The following MARCHF1 variants were observed in gnomAD, a reference collection of about 807,000 sequenced individuals.
MARCHF1 encodes the protein membrane associated ring-CH-type finger 1.
A neutral mutation model predicts 54.2 loss-of-function variants in MARCHF1; 40 were observed. The observed-to-expected ratio is 0.74, with a 90% CI of 0.57 to 0.96. The LOEUF is 0.96. Ranked by LOEUF, MARCHF1 falls within the 40% of genes least tolerant of loss-of-function variation. The probability of loss-of-function intolerance (pLI) is 0.00; values close to 1 mark genes in which losing one functional copy is unlikely to be tolerated. For missense variants in MARCHF1, 586 were observed against 656.5 expected (o/e 0.89, Z 1.17); for synonymous variants, 236 against 236.3 (o/e 1.00, Z 0.01).
Position 163,569,261 on chromosome 4 carries a change from T to C in MARCHF1, c.1191+16488A>G, listed in dbSNP as rs190624334. 4.5e-3 allele frequency among the ~76,000 whole-genome samples: 687 copies of C among 152,212 alleles called. 7 individuals are homozygous for C. Among genetic ancestry groups the C allele is most frequent in the African/African-American group, 0.016 (660 of 41,522 alleles). Reference sequence around the variant, plus strand: ...ATGAGATTGTTTGGGAATGCTACAGTTCAATCAGCTGGGTCACGATAGCCA... The same window carrying C: ...ATGAGATTGTTTGGGAATGCTACAGCTCAATCAGCTGGGTCACGATAGCCA... On this transcript the variant is annotated intron_variant, in intron 8 of 9. Transcript: ENST00000514618.
intron 1 of MARCHF1, among the ~76,000 whole-genome samples, chr4:164,241,820 A>G (rs11100540): frequency 0.28 from 42,386 of 152,150 alleles, 6,692 homozygotes; most frequent in Admixed American, 0.44. Flanking sequence ...CTTGGGAAGC[A>G]CAAGAGGTCA....
intron 1 of MARCHF1, among the ~76,000 whole-genome samples, chr4:164,316,200 C>T (rs1734991221): frequency 6.6e-6 from 1 of 152,152 alleles, no homozygotes; most frequent in Non-Finnish European, 1.5e-5. Context: ...AACTGGAAGT[C>T]AGGTTTACCC....
intron 4 of MARCHF1, among the ~76,000 whole-genome samples, chr4:163,733,209 A>ACATGTATATATATATATATACACATGTG: frequency 2.8e-5 from 1 of 35,712 alleles, no homozygotes; most frequent in Non-Finnish European, 6.9e-5. Flanking sequence ...ATATATATAT[A>ACATGTATATATATATATATACACATGTG]TATATATATA....
At chr4:163,788,202 C>A (rs1747674284) in intron 4 of MARCHF1, among the ~76,000 whole-genome samples, 1 of 151,724 alleles carries the variant, frequency 6.6e-6, no homozygotes. Flanking sequence ...GATTAGGAGA[C>A]AAATTTAATA....
At chr4:163,634,348 A>T (rs1179784502) in intron 5 of MARCHF1, among the ~76,000 whole-genome samples, 2 of 150,184 alleles carry the variant, frequency 1.3e-5, no homozygotes, top group Non-Finnish European at 3.0e-5. Context: ...TATTCAGGAA[A>T]CCCATCTCAT....
intron 5 of MARCHF1, among the ~76,000 whole-genome samples, chr4:163,676,485 G>A (rs1163865019): frequency 6.6e-6 from 1 of 152,148 alleles, no homozygotes; most frequent in Non-Finnish European, 1.5e-5. Context: ...AGTAGGTCAT[G>A]CATGTAATCC....
chr4:164,164,313 T>A (rs187815053), intron 1 of MARCHF1, among the ~76,000 whole-genome samples: 74 of 151,882 alleles, frequency 4.9e-4, no homozygotes, highest in African/African-American at 1.6e-3. Context: ...TTTGAAAATA[T>A]CAACAATATA....
chr4:164,329,622 T>C (rs1362119295), intron 1 of MARCHF1, among the ~76,000 whole-genome samples: 1 of 152,180 alleles, frequency 6.6e-6, no homozygotes, highest in Non-Finnish European at 1.5e-5. Flanking sequence ...TTACAAGCTA[T>C]ACAGGAAGCA....
At chr4:164,170,402 TA>T (rs1730490163) in intron 1 of MARCHF1, among the ~76,000 whole-genome samples, 1 of 152,064 alleles carries the variant, frequency 6.6e-6, no homozygotes, top group Admixed American at 6.6e-5. Context: ...CTCTCAGACT[TA>T]TAAGGGACAT....
intron 3 of MARCHF1, among the ~76,000 whole-genome samples, chr4:163,909,288 T>C (rs1037674074): frequency 1.1e-4 from 17 of 152,190 alleles, no homozygotes; most frequent in Non-Finnish European, 4.4e-5. Flanking sequence ...GATGATAATA[T>C]ACTCTTGTAG....
chr4:163,971,911 C>A (rs918501646), intron 3 of MARCHF1, among the ~76,000 whole-genome samples: 3 of 152,084 alleles, frequency 2.0e-5, no homozygotes, highest in Admixed American at 6.5e-5. Flanking sequence ...ATGTTTACTG[C>A]GGCACTATTC....
intron 5 of MARCHF1, among the ~76,000 whole-genome samples, chr4:163,652,882 C>A (rs1037930212): frequency 2.6e-5 from 4 of 151,810 alleles, no homozygotes; most frequent in African/African-American, 9.7e-5. Flanking sequence ...ATTTATTGAG[C>A]TCCAATTATG....
At chr4:163,595,528 G>A (rs913495994) in intron 7 of MARCHF1, among the ~76,000 whole-genome samples, 4 of 151,898 alleles carry the variant, frequency 2.6e-5, no homozygotes, top group African/African-American at 9.7e-5. Context: ...AAAAAATGTG[G>A]TATATATACA....
chr4:164,247,374 G>A (rs1271985952), intron 1 of MARCHF1, among the ~76,000 whole-genome samples: 9 of 149,494 alleles, frequency 6.0e-5, no homozygotes, highest in African/African-American at 4.9e-5. Flanking sequence ...ACCAAACACC[G>A]CATATTCTCA....
intron 2 of MARCHF1, among the ~76,000 whole-genome samples, chr4:164,028,185 CA>C (rs1273536309): frequency 6.6e-6 from 1 of 152,130 alleles, no homozygotes; most frequent in African/African-American, 2.4e-5. Context: ...GAATTTAAAA[CA>C]GAGCTACAAT....
intron 5 of MARCHF1, among the ~76,000 whole-genome samples, chr4:163,632,906 G>A (rs958710142): frequency 5.9e-5 from 9 of 152,130 alleles, no homozygotes; most frequent in South Asian, 2.1e-4. Context: ...ATCTGAGAAC[G>A]GGCAGACTGC....
chr4:163,880,164 CAGAG>C (rs140380199), intron 3 of MARCHF1, among the ~76,000 whole-genome samples: 13 of 148,032 alleles, frequency 8.8e-5, no homozygotes, highest in South Asian at 2.1e-4. Flanking sequence ...CATACATATG[CAGAG>C]AGAGAGAGAG....
At chr4:163,801,461 A>T (rs1748079346) in intron 4 of MARCHF1, among the ~76,000 whole-genome samples, 4 of 152,108 alleles carry the variant, frequency 2.6e-5, no homozygotes, top group African/African-American at 9.7e-5. Flanking sequence ...TTTAGAAGAC[A>T]CTATGTCTAA....
At position 164,370,894 on chromosome 4, in the gene MARCHF1, TG is replaced by T. The variant is rs1731020371; in HGVS notation, c.-323+12975del. On this transcript the variant is annotated intron_variant, in intron 1 of 9. Coordinates refer to ENST00000514618, the MANE Select transcript of MARCHF1 (RefSeq NM_001394959.1). ...CCACCCTCTAGCCTGGGCAACAGTG[TG>T]AGACTCCATCTCAAAAATAAATAAA... is the stretch of plus-strand genomic sequence containing the variant. 1.2e-4 allele frequency among the ~76,000 whole-genome samples: 19 copies of T among 152,134 alleles called. No homozygotes were observed. In the South Asian group the frequency reaches 3.9e-3, roughly 32 times the overall value.
Sources: gnomAD v4.1 joint callset for allele counts (sites outside exome capture counted in the v4.1 genomes callset) on GRCh38, gnomAD v4.1.1 for gene constraint, MANE v1.5 for transcripts, NCBI Gene and HGNC (gene_info 2026-07-23, HGNC 2026-07-21) for gene names.